AUTS2: variants seen among roughly 807,000 people sequenced by gnomAD.
AUTS2 encodes activator of transcription and developmental regulator AUTS2.
AUTS2 carries 17 observed loss-of-function variants against 112.4 expected under a neutral mutation model. The observed-to-expected ratio is 0.15, with a 90% CI of 0.10 to 0.23. AUTS2 has a LOEUF of 0.23. AUTS2 is among the 10% of genes least tolerant of loss of function. The probability of loss-of-function intolerance (pLI) is 1.00; values close to 1 mark genes in which losing one functional copy is unlikely to be tolerated. For synonymous variants in AUTS2, 751 were observed against 702.7 expected (o/e 1.07, Z -1.09); for missense variants, 1,510 against 1,701.6 (o/e 0.89, Z 1.98).
intron 4 of AUTS2, among the ~76,000 whole-genome samples, chr7:70,209,459 A>G (rs1810743831): frequency 6.6e-6 from 1 of 152,196 alleles, no homozygotes. Context: ...GTGGAGGTAT[A>G]AATGTGAAAA....
At chr7:69,754,969 A>G (rs1167492975) in intron 1 of AUTS2, among the ~76,000 whole-genome samples, 1 of 152,204 alleles carries the variant, frequency 6.6e-6, no homozygotes, top group African/African-American at 2.4e-5. Flanking sequence ...GTGATTTTGC[A>G]TTAGCAAATA....
chr7:70,586,820 ATTTC>A (rs1802711460), intron 5 of AUTS2, among the ~76,000 whole-genome samples: 1 of 152,194 alleles, frequency 6.6e-6, no homozygotes, highest in Non-Finnish European at 1.5e-5. Context: ...GATTTTCCTA[ATTTC>A]TTTATTTTAC....
chr7:70,604,324 T>G (rs1803622051), intron 5 of AUTS2, among the ~76,000 whole-genome samples: 1 of 152,198 alleles, frequency 6.6e-6, no homozygotes. Context: ...GCCCACAGCA[T>G]GCATGAGCTA....
At chr7:70,231,782 T>C (rs552013343) in intron 4 of AUTS2, among the ~76,000 whole-genome samples, 5 of 149,392 alleles carry the variant, frequency 3.3e-5, no homozygotes, top group Non-Finnish European at 7.4e-5. Context: ...GTTTGTTTTG[T>C]TTTTTTTCTT....
chr7:69,705,537 CTA>C (rs1269200386), intron 1 of AUTS2, among the ~76,000 whole-genome samples: 2 of 152,188 alleles, frequency 1.3e-5, no homozygotes, highest in Non-Finnish European at 2.9e-5. Flanking sequence ...ATTATTTCAG[CTA>C]TATCAAATAG....
intron 2 of AUTS2, among the ~76,000 whole-genome samples, chr7:70,088,380 G>A (rs1803724891): frequency 6.6e-6 from 1 of 152,106 alleles, no homozygotes; most frequent in Non-Finnish European, 1.5e-5. Flanking sequence ...TCCCGCCTCA[G>A]CCTCCCAAAG....
intron 5 of AUTS2, among the ~76,000 whole-genome samples, chr7:70,646,025 G>C (rs1806141641): frequency 6.6e-6 from 1 of 152,144 alleles, no homozygotes; most frequent in Non-Finnish European, 1.5e-5. Context: ...AGGCGATAAT[G>C]AACTTGCAGA....
intron 1 of AUTS2, among the ~76,000 whole-genome samples, chr7:69,870,897 A>G (rs919035374): frequency 6.6e-6 from 1 of 152,236 alleles, no homozygotes; most frequent in African/African-American, 2.4e-5. Context: ...TTTACCATTC[A>G]TGGTTCTGTT....
chr7:70,359,255 C>T (rs988684980), intron 4 of AUTS2, among the ~76,000 whole-genome samples: 1 of 152,188 alleles, frequency 6.6e-6, no homozygotes, highest in African/African-American at 2.4e-5. Flanking sequence ...TGTTAAACCT[C>T]TTTAAAGAAT....
In AUTS2 at chr7:70,095,490, G is replaced by A. The variant is rs188815800; in HGVS notation, c.523-22642G>A. 5.4e-4 allele frequency among the ~76,000 whole-genome samples: 82 copies of A among 152,060 alleles called. 1 individual carries two copies. The highest frequency in any genetic ancestry group is 9.0e-4 in the Non-Finnish European group (61 of 68,026). ...CATTTTCAGGAGTGGTAATGAATGG[G>A]CATTAAGGCACTTCTGTTATTCATG... is the stretch of plus-strand genomic sequence containing the variant. On this transcript the variant is annotated intron_variant, in intron 2 of 18. Coordinates refer to ENST00000342771, the MANE Select transcript of AUTS2 (RefSeq NM_015570.4).
intron 1 of AUTS2, among the ~76,000 whole-genome samples, chr7:69,760,781 C>T (rs1186180823): frequency 6.6e-6 from 1 of 152,202 alleles, no homozygotes; most frequent in Non-Finnish European, 1.5e-5. Context: ...GATCGTGCCA[C>T]TGCACTCCAG....
chr7:69,776,709 A>T (rs763288332), intron 1 of AUTS2, among the ~76,000 whole-genome samples: 4 of 152,212 alleles, frequency 2.6e-5, no homozygotes, highest in Non-Finnish European at 5.9e-5. Context: ...ATGACCCACC[A>T]TGCCTAGTCA....
At chr7:69,821,916 CAAA>C (rs34912846) in intron 1 of AUTS2, among the ~76,000 whole-genome samples, 7 of 76,792 alleles carry the variant, frequency 9.1e-5, no homozygotes, top group Non-Finnish European at 1.6e-4. Context: ...ACAGGGTCTC[CAAA>C]AAAAAAAAAA....
intron 1 of AUTS2, among the ~76,000 whole-genome samples, chr7:69,627,509 AC>A (rs1794012698): frequency 2.0e-5 from 3 of 152,098 alleles, no homozygotes; most frequent in South Asian, 2.1e-4. Flanking sequence ...CCCCAAAAAA[AC>A]AAACAAAAAA....
intron 1 of AUTS2, among the ~76,000 whole-genome samples, chr7:69,877,895 G>T (rs988572087): frequency 1.7e-4 from 26 of 152,280 alleles, no homozygotes; most frequent in Middle Eastern, 3.4e-3. Context: ...GTTGTGTGCA[G>T]GACATCACCA....
intron 5 of AUTS2, among the ~76,000 whole-genome samples, chr7:70,587,198 C>G (rs560158612): frequency 1.3e-5 from 2 of 152,290 alleles, no homozygotes; most frequent in Non-Finnish European, 2.9e-5. Context: ...CCACCTCTGC[C>G]TCCTGAGTAG....
chr7:70,333,765 C>G (rs191396511), intron 4 of AUTS2, among the ~76,000 whole-genome samples: 1 of 152,078 alleles, frequency 6.6e-6, no homozygotes, highest in Non-Finnish European at 1.5e-5. Flanking sequence ...AATGAGAACA[C>G]ATGGACACAG....
At chr7:69,600,943 C>G (rs1456486447) in intron 1 of AUTS2, among the ~76,000 whole-genome samples, 1 of 150,372 alleles carries the variant, frequency 6.7e-6, no homozygotes, top group Non-Finnish European at 1.5e-5. Context: ...CGTTGATTTT[C>G]AAATGCACAT....
chr7:70,022,267 G>T (rs1052497362), intron 2 of AUTS2, among the ~76,000 whole-genome samples: 3 of 151,444 alleles, frequency 2.0e-5, no homozygotes, highest in African/African-American at 7.3e-5. Flanking sequence ...GGCTCTTCTT[G>T]TTGTTTATTG....
Sources: gnomAD v4.1 joint callset for allele counts (sites outside exome capture counted in the v4.1 genomes callset) on GRCh38, gnomAD v4.1.1 for gene constraint, MANE v1.5 for transcripts, NCBI Gene and HGNC (gene_info 2026-07-23, HGNC 2026-07-21) for gene names.